CCDC73: variants seen among roughly 807,000 people sequenced by gnomAD.
CCDC73 encodes the protein coiled-coil domain-containing protein 73.
CCDC73 carries 95 observed loss-of-function variants against 116.5 expected under a neutral mutation model. That is an observed-to-expected ratio of 0.82 (90% CI 0.69 to 0.97). The LOEUF is 0.97. CCDC73 is among the 50% of genes least tolerant of loss of function. The pLI, the probability that CCDC73 is intolerant of heterozygous loss-of-function variation, is 0.00. For synonymous variants in CCDC73, 398 were observed against 401.3 expected, an observed-to-expected ratio of 0.99 and a Z score of 0.10; for missense variants, 1,066 against 1,206.8, an observed-to-expected ratio of 0.88 and a Z score of 1.73.
intron 14 of CCDC73, among the ~76,000 whole-genome samples, chr11:32,627,509 A>T (rs1855587163): frequency 6.6e-6 from 1 of 152,354 alleles, no homozygotes; most frequent in Non-Finnish European, 1.5e-5. Context: ...TGTTATAAAG[A>T]CACATGCACA....
chr11:32,718,223 GATATAGAAATAGCATACTCCC>G (rs1849962389), intron 2 of CCDC73, 76 bp from the exon 3 acceptor site: 1 of 967,162 alleles, frequency 1.0e-6, no homozygotes, highest in African/African-American at 1.7e-5. Context: ...TTTCTGGAGA[GATATAGAAATAGCATACTCCC>G]ACCTTTACAA....
intron 1 of CCDC73, among the ~76,000 whole-genome samples, chr11:32,765,882 G>A (rs1850436462): frequency 6.6e-6 from 1 of 152,314 alleles, no homozygotes; most frequent in South Asian, 2.1e-4. Flanking sequence ...AGAGGTACAA[G>A]GAGGAGCTGG....
chr11:32,684,426 T>C (rs1295905822), intron 6 of CCDC73, among the ~76,000 whole-genome samples: 1 of 152,222 alleles, frequency 6.6e-6, no homozygotes, highest in Non-Finnish European at 1.5e-5. Flanking sequence ...ACGTCTATTT[T>C]ATAATCCATT....
the CCDC73 span, among the ~76,000 whole-genome samples, chr11:32,825,550 C>T: frequency 6.6e-6 from 1 of 152,150 alleles, no homozygotes; most frequent in Non-Finnish European, 1.5e-5. Context: ...GATCCACCTG[C>T]CTCAGCCTCC....
At chr11:32,826,023 CT>C in the CCDC73 span, among the ~76,000 whole-genome samples, 5 of 152,288 alleles carry the variant, frequency 3.3e-5, 1 homozygote, top group Non-Finnish European at 7.4e-5. Flanking sequence ...CAGATGACCC[CT>C]CACACTGTTC....
intron 1 of CCDC73, among the ~76,000 whole-genome samples, chr11:32,765,244 T>A: frequency 6.6e-6 from 1 of 152,198 alleles, no homozygotes; most frequent in Non-Finnish European, 1.5e-5. Context: ...GGAATTGAAC[T>A]CAGCTCTGCA....
chr11:32,615,478 A>G (rs1318047664), intron 15 of CCDC73, among the ~76,000 whole-genome samples: 4 of 152,192 alleles, frequency 2.6e-5, no homozygotes, highest in Non-Finnish European at 5.9e-5. Context: ...TAGAATATCT[A>G]CTTAATCAAG....
intron 2 of CCDC73, among the ~76,000 whole-genome samples, chr11:32,735,165 G>A (rs2133350154): frequency 6.6e-6 from 1 of 152,294 alleles, no homozygotes; most frequent in East Asian, 1.9e-4. Context: ...GGAAGTTCTG[G>A]CCAGGGCAAT....
chr11:32,713,656 A>G (rs1040860603), intron 3 of CCDC73, among the ~76,000 whole-genome samples: 1 of 152,144 alleles, frequency 6.6e-6, no homozygotes, highest in Non-Finnish European at 1.5e-5. Flanking sequence ...TTACAAAAAG[A>G]AAATCTCTTT....
Position 32,698,010 on chromosome 11 carries a change from A to ATTTTTTTTTTTTTTTTTTTTT in CCDC73, c.390+1240_390+1241insAAAAAAAAAAAAAAAAAAAAA, listed in dbSNP as rs1849771437. Among the ~76,000 whole-genome samples the ATTTTTTTTTTTTTTTTTTTTT allele has an allele frequency of 1.7e-5, 2 of 117,758 alleles. 1 individual carries two copies. The highest frequency in any genetic ancestry group is 6.7e-5 in the African/African-American group (2 of 29,924). 77.3% of individuals were successfully genotyped at this position (117,758 alleles called of 152,430 possible). On this transcript the variant is annotated intron_variant, in intron 6 of 17. Transcript: ENST00000335185. Reference sequence around the variant, plus strand: ...TCTGTTGTTTCTTTGTCTAACACTGAATTTTTTTTTTTTTTTTTTTTTTTT... The same window carrying ATTTTTTTTTTTTTTTTTTTTT: ...TCTGTTGTTTCTTTGTCTAACACTGATTTTTTTTTTTTTTTTTTTTTATTTTTTTTTTTTTTTTTTTTTTTT...
chr11:32,777,296 C>T (rs999282413), intron 1 of CCDC73, among the ~76,000 whole-genome samples: 6 of 151,184 alleles, frequency 4.0e-5, no homozygotes, highest in East Asian at 1.9e-4. Flanking sequence ...GTAAAGATGG[C>T]GTTTTGCCAT....
At chr11:32,808,094 A>C in the CCDC73 span, among the ~76,000 whole-genome samples, 4 of 152,228 alleles carry the variant, frequency 2.6e-5, no homozygotes, top group East Asian at 1.9e-4. Flanking sequence ...GCATGTGTAC[A>C]ACAAAGTTGG....
At chr11:32,775,677 A>G (rs1472144773) in intron 1 of CCDC73, among the ~76,000 whole-genome samples, 5 of 152,180 alleles carry the variant, frequency 3.3e-5, no homozygotes, top group Non-Finnish European at 7.4e-5. Flanking sequence ...GTACTTAGTT[A>G]GTGACCTCTG....
chr11:32,758,473 G>GA (rs35201573), intron 2 of CCDC73: 1 of 457,234 alleles, frequency 2.2e-6, no homozygotes, highest in Non-Finnish European at 4.3e-6. Flanking sequence ...AGGTTATCTT[G>GA]AAAAAATGTG....
chr11:32,675,596 T>G lies in CCDC73; in HGVS notation c.614A>C (p.Lys205Thr). The G allele has an allele frequency of 6.3e-7, 1 of 1,590,226 alleles. No individual in the cohort carries two copies. The stretch of plus-strand genomic sequence containing the variant: ...TAAACTGCATATTTCAGCTTCTTGT[T>G]TTTTATTTAAAGCTGAAAGTCTTTT... Reference protein sequence around the residue: ...SNKRLSALNKKQEAEICSLKK... With the variant: ...SNKRLSALNKTQEAEICSLKK... The change falls in exon 9 of 18, where the codon AAA (lysine) becomes ACA (threonine). Residue 205 changes from lysine to threonine, a missense_variant. By Grantham distance (78) the Lys-to-Thr change is moderately conservative. Transcript: ENST00000335185.
chr11:32,783,552 A>G (rs1850600912), intron 1 of CCDC73, among the ~76,000 whole-genome samples: 1 of 152,210 alleles, frequency 6.6e-6, no homozygotes, highest in African/African-American at 2.4e-5. Context: ...GTGCTAGCAG[A>G]TTCAGTGTCT....
chr11:32,740,532 T>A (rs1850174081), intron 2 of CCDC73, among the ~76,000 whole-genome samples: 1 of 152,124 alleles, frequency 6.6e-6, no homozygotes, highest in African/African-American at 2.4e-5. Flanking sequence ...GTATCAGTTG[T>A]GATGTCTCCT....
At position 32,729,614 on chromosome 11, in the gene CCDC73, G is replaced by A. The variant is rs531823334; in HGVS notation, c.136-11467C>T. 3.0e-4 allele frequency among the ~76,000 whole-genome samples: 45 copies of A among 152,228 alleles called. No individual in the cohort carries two copies. The South Asian group carries it at 9.1e-3, about 31-fold the overall frequency. Reference sequence around the variant, plus strand: ...GAGGAATCACCACACCATCTTCCACGACGGTTGAACTAATTTACACTCCCA... The same window carrying A: ...GAGGAATCACCACACCATCTTCCACAACGGTTGAACTAATTTACACTCCCA... On this transcript the variant is annotated intron_variant, in intron 2 of 17. Coordinates refer to ENST00000335185, the MANE Select transcript of CCDC73 (RefSeq NM_001008391.4).
the CCDC73 span, among the ~76,000 whole-genome samples, chr11:32,828,883 T>C: frequency 1.3e-5 from 2 of 152,228 alleles, no homozygotes; most frequent in African/African-American, 2.4e-5. Context: ...TGTTTATGCA[T>C]AGACTCAAGG....
Sources: allele counts gnomAD v4.1 joint callset (sites outside exome capture counted in the v4.1 genomes callset), GRCh38; gene constraint gnomAD v4.1.1; transcripts MANE v1.5; gene names NCBI Gene and HGNC (gene_info 2026-07-23, HGNC 2026-07-21).